The following PLEKHG4B variants were observed in gnomAD, a reference collection of about 807,000 sequenced individuals.
PLEKHG4B encodes the protein pleckstrin homology and RhoGEF domain containing G4B.
In PLEKHG4B, 111 loss-of-function variants were observed where a neutral mutation model predicts 121.3. That is an observed-to-expected ratio of 0.92 (90% CI 0.78 to 1.07). PLEKHG4B has a LOEUF of 1.07. Ranked by LOEUF, PLEKHG4B falls within the 50% of genes least tolerant of loss-of-function variation. PLEKHG4B has a pLI of 0.00. For synonymous variants in PLEKHG4B, 738 were observed against 725.0 expected (o/e 1.02, Z -0.29); for missense variants, 1,831 against 1,757.8 (o/e 1.04, Z -0.74).
At chr5:127,347 T>TTATTAC (rs1472240138) in intron 2 of PLEKHG4B, among the ~76,000 whole-genome samples, 5 of 142,728 alleles carry the variant, frequency 3.5e-5, no homozygotes, top group East Asian at 4.1e-4. Flanking sequence ...GTTTTTATTA[T>TTATTAC]TATTATTATT....
intron 14 of PLEKHG4B, among the ~76,000 whole-genome samples, chr5:170,488 G>A (rs762962798): frequency 3.9e-5 from 6 of 152,096 alleles, no homozygotes; most frequent in Non-Finnish European, 8.8e-5. Flanking sequence ...TTTTAGTAGA[G>A]ATGGAGTTTC....
chr5:162,073 G>GC (rs955377903), intron 12 of PLEKHG4B, 129 bp downstream of exon 12: 2 of 1,209,714 alleles, frequency 1.7e-6, no homozygotes, highest in Non-Finnish European at 2.2e-6. Context: ...CTGCGATGGA[G>GC]CCCCCCTGGC....
chr5:132,072 A>G lies in PLEKHG4B; in HGVS notation c.244-7411A>G, dbSNP rs571335730. ...CACAAACAGTATTGTCCTCGGTGGGAGACTGAAAGCTTTTCCTCTGATACC... is the reference window on the plus strand; with the variant it reads ...CACAAACAGTATTGTCCTCGGTGGGGGACTGAAAGCTTTTCCTCTGATACC... On this transcript the variant is annotated intron_variant, in intron 2 of 19. Transcript: ENST00000637938. 7.0e-4 allele frequency among the ~76,000 whole-genome samples: 107 copies of G among 152,200 alleles called. No individual in the cohort carries two copies. In the Middle Eastern group the frequency reaches 0.01, roughly 15 times the overall value.
chr5:141,928 C>A (rs923771060), intron 3 of PLEKHG4B, among the ~76,000 whole-genome samples: 8 of 152,288 alleles, frequency 5.3e-5, no homozygotes, highest in East Asian at 1.9e-4. Context: ...CTCCTACCTG[C>A]CTGGCCTGAC....
chr5:159,622 TG>T lies in PLEKHG4B; in HGVS notation c.2488-2158del, dbSNP rs1735925592. Among the ~76,000 whole-genome samples, 2 of 152,200 alleles carry T rather than the reference TG, an allele frequency of 1.3e-5. No homozygotes were observed. Among genetic ancestry groups the T allele is most frequent in the South Asian group, 4.1e-4 (2 of 4,834 alleles). The stretch of plus-strand genomic sequence containing the variant: ...GAGTCTGCACAGTCTGTGGCTTCTG[TG>T]GGTTTGTTCTGGCGCCAGAGGCTTT... On this transcript the variant is annotated intron_variant, in intron 11 of 19. Coordinates refer to ENST00000637938, the MANE Select transcript of PLEKHG4B (RefSeq NM_052909.5). This position sits in a 1 kb window ranked among gnomAD's most constrained non-coding sequence, Gnocchi z 5.5.
chr5:124,517 G>T (rs1217865115), intron 2 of PLEKHG4B, among the ~76,000 whole-genome samples: 1 of 152,220 alleles, frequency 6.6e-6, no homozygotes, highest in African/African-American at 2.4e-5. Flanking sequence ...AGAGCTGTCT[G>T]TGTCTGTCTT....
intron 3 of PLEKHG4B, among the ~76,000 whole-genome samples, chr5:141,732 T>TTTTTA (rs1735212250): frequency 6.7e-6 from 1 of 148,616 alleles, no homozygotes; most frequent in African/African-American, 2.5e-5. Context: ...TTTTTTTTTT[T>TTTTTA]GAGTAAAGAA....
intron 6 of PLEKHG4B, among the ~76,000 whole-genome samples, chr5:147,620 G>A (rs1195619678): frequency 6.6e-6 from 1 of 152,180 alleles, no homozygotes; most frequent in Non-Finnish European, 1.5e-5. Flanking sequence ...TCTAACACAA[G>A]GTAGATACAG....
intron 19 of PLEKHG4B, 144 bp downstream of exon 19, chr5:181,819 C>T (rs1444125865): frequency 3.1e-6 from 4 of 1,285,140 alleles, no homozygotes; most frequent in Middle Eastern, 5.0e-4. Context: ...GGTACGGTGG[C>T]CTCGGCCCCG....
Position 143,418 on chromosome 5 carries a change from C to G in PLEKHG4B, c.1726C>G (p.Arg576Gly), listed in dbSNP as rs149661863. Reference sequence around the variant, plus strand: ...TCATGGCAGAGCAGTGGTGCAGGTCCGCACCAGGAGCCTGCTCTGGACCAG... The same window carrying G: ...TCATGGCAGAGCAGTGGTGCAGGTCGGCACCAGGAGCCTGCTCTGGACCAG... The part of the protein sequence containing the change: ...DRHGRAVVQV[R>G]TRSLLWTREH... Residue 576 changes from arginine to glycine, a missense_variant, in exon 5 of 20, where the codon CGC (arginine) becomes GGC (glycine). Arg to Gly is a moderately radical substitution (Grantham distance 125, BLOSUM62 -2). Coordinates refer to ENST00000637938, the MANE Select transcript of PLEKHG4B (RefSeq NM_052909.5). 38 of 1,612,752 alleles carry G rather than the reference C, an allele frequency of 2.4e-5. No homozygotes were observed. Among genetic ancestry groups the G allele is most frequent in the African/African-American group, 4.0e-5 (3 of 74,920 alleles).
Position 160,452 on chromosome 5 carries a change from G to A in PLEKHG4B, c.2488-1331G>A, listed in dbSNP as rs113096055. The stretch of plus-strand genomic sequence containing the variant: ...GCACCTGCCTCCCGCCGGCTGCCCC[G>A]TGGGGAAATGGAGCCCCTAAACAGT... On this transcript the variant is annotated intron_variant, in intron 11 of 19. Transcript: ENST00000637938. 4.7e-3 allele frequency among the ~76,000 whole-genome samples: 712 copies of A among 152,060 alleles called. 4 individuals carry two copies. The highest frequency in any genetic ancestry group is 0.015 in the African/African-American group (631 of 41,486).
In PLEKHG4B at chr5:184,152, A is replaced by C. The variant is rs963654399; in HGVS notation, c.*1829A>C. ...GGAAGCTGCTAGTGTGCCCAGTCCG[A>C]GTCCTAAAGCCTCAGAGCCAGGGAA... On this transcript the variant is annotated 3_prime_UTR_variant, in exon 20 of 20. Transcript: ENST00000637938. 6 of 152,228 alleles carry C rather than the reference A, an allele frequency of 3.9e-5. No homozygotes were observed. The highest frequency in any genetic ancestry group is 1.4e-4 in the African/African-American group (6 of 41,444). 9.4% of individuals were successfully genotyped at this position (152,228 alleles called of 1,614,324 possible).
At chr5:94,710 G>C (rs533681067) in intron 1 of PLEKHG4B, among the ~76,000 whole-genome samples, 2 of 152,102 alleles carry the variant, frequency 1.3e-5, no homozygotes, top group Non-Finnish European at 2.9e-5. Flanking sequence ...CTTATGGGGG[G>C]CTCTCGGGGA....
chr5:117,730 G>A (rs1352981950), intron 2 of PLEKHG4B, among the ~76,000 whole-genome samples: 1 of 152,172 alleles, frequency 6.6e-6, no homozygotes, highest in Non-Finnish European at 1.5e-5. Flanking sequence ...GCAGGTGCCT[G>A]TAGTCCCAGC....
At chr5:177,940 C>T (rs1048179822) in intron 18 of PLEKHG4B, among the ~76,000 whole-genome samples, 1 of 151,474 alleles carries the variant, frequency 6.6e-6, no homozygotes, top group Non-Finnish European at 1.5e-5. Context: ...TTGTATGCAT[C>T]CCCATCTGAG....
chr5:166,441 C>CAG (rs1158167025), intron 13 of PLEKHG4B, among the ~76,000 whole-genome samples: 10 of 118,218 alleles, frequency 8.5e-5, no homozygotes, highest in Non-Finnish European at 1.1e-4. Flanking sequence ...GGAGCTCACA[C>CAG]TAATGCTCTG....
chr5:108,057 C>G (rs1734028918), intron 1 of PLEKHG4B, among the ~76,000 whole-genome samples: 2 of 152,198 alleles, frequency 1.3e-5, no homozygotes, highest in South Asian at 4.1e-4. Flanking sequence ...CCAGCCATCC[C>G]CTGCCACCAG....
intron 2 of PLEKHG4B, among the ~76,000 whole-genome samples, chr5:134,691 G>A (rs1383849101): frequency 6.6e-6 from 1 of 151,728 alleles, no homozygotes; most frequent in Non-Finnish European, 1.5e-5. Context: ...ACTCGAACCT[G>A]GGAGGTGGAG....
At chr5:162,352 G>A (rs1736043979) in intron 12 of PLEKHG4B, among the ~76,000 whole-genome samples, 1 of 152,224 alleles carries the variant, frequency 6.6e-6, no homozygotes, top group Admixed American at 6.5e-5. Flanking sequence ...AGGCCACGGA[G>A]CTCACCTGTC....
Sources: gnomAD v4.1 joint callset for allele counts (sites outside exome capture counted in the v4.1 genomes callset) on GRCh38, gnomAD v4.1.1 for gene constraint, Gnocchi (gnomAD v3.1) non-coding constraint, MANE v1.5 for transcripts, NCBI Gene and HGNC (gene_info 2026-07-23, HGNC 2026-07-21) for gene names.